RBFOX3: variants seen among roughly 807,000 people sequenced by gnomAD.
RBFOX3 encodes the protein RNA binding fox-1 homolog 3, also known as RNA binding protein fox-1 homolog 3.
In RBFOX3, 17 loss-of-function variants were observed where a neutral mutation model predicts 48.7. That is an observed-to-expected ratio of 0.35 (90% confidence interval 0.24 to 0.52). The LOEUF is 0.52. Among genes scored for constraint, RBFOX3 ranks in the 20% least tolerant of loss-of-function variants. The pLI is 0.94. For missense variants in RBFOX3, 382 were observed against 497.5 expected (o/e 0.77, Z 2.21); for synonymous variants, 212 against 209.5 (o/e 1.01, Z -0.10).
At chr17:79,169,034 C>T (rs903893568) in intron 4 of RBFOX3, among the ~76,000 whole-genome samples, 10 of 152,238 alleles carry the variant, frequency 6.6e-5, no homozygotes, top group Admixed American at 2.0e-4. Context: ...GCCACACTGC[C>T]GCTGAGTGGA....
intron 4 of RBFOX3, among the ~76,000 whole-genome samples, chr17:79,129,065 C>G (rs765454413): frequency 6.6e-6 from 1 of 152,120 alleles, no homozygotes; most frequent in Non-Finnish European, 1.5e-5. Context: ...GCTTCCATCA[C>G]TGAGTCCCCA....
intron 2 of RBFOX3, among the ~76,000 whole-genome samples, chr17:79,323,569 G>A (rs1307369438): frequency 6.6e-6 from 1 of 152,246 alleles, no homozygotes; most frequent in Non-Finnish European, 1.5e-5. Context: ...ACCAACAGAT[G>A]CAGAGTACTC....
intron 4 of RBFOX3, among the ~76,000 whole-genome samples, chr17:79,201,846 G>C (rs1053396245): frequency 6.6e-6 from 1 of 152,188 alleles, no homozygotes; most frequent in Non-Finnish European, 1.5e-5. Context: ...TTGACGAAGA[G>C]CCTGGGGCAG....
At chr17:79,191,800 C>T (rs1281797548) in intron 4 of RBFOX3, among the ~76,000 whole-genome samples, 2 of 152,194 alleles carry the variant, frequency 1.3e-5, no homozygotes, top group Non-Finnish European at 2.9e-5. Flanking sequence ...TCCACAATGA[C>T]AGAGGCCAGA....
At chr17:79,538,908 T>C (rs988485070) in intron 1 of RBFOX3, among the ~76,000 whole-genome samples, 1 of 151,998 alleles carries the variant, frequency 6.6e-6, no homozygotes, top group African/African-American at 2.4e-5. Context: ...AACCACCCCA[T>C]GGAAACACGG....
chr17:79,451,500 C>A (rs1555741668), intron 2 of RBFOX3, among the ~76,000 whole-genome samples: 1 of 152,242 alleles, frequency 6.6e-6, no homozygotes, highest in Non-Finnish European at 1.5e-5. Context: ...ACCTTGACTG[C>A]AGCTCAACTG....
At chr17:79,651,034 C>A in the RBFOX3 span, among the ~76,000 whole-genome samples, 1 of 152,238 alleles carries the variant, frequency 6.6e-6, no homozygotes, top group Non-Finnish European at 1.5e-5. Context: ...GCAGGGGATT[C>A]CAGGTGTGTG....
At chr17:79,154,366 C>T (rs1471007730) in intron 4 of RBFOX3, among the ~76,000 whole-genome samples, 6 of 152,218 alleles carry the variant, frequency 3.9e-5, no homozygotes, top group Non-Finnish European at 8.8e-5. Flanking sequence ...TCTCGGGGAC[C>T]CCGCAGACTG....
In RBFOX3 at chr17:79,390,768, C is replaced by T. The variant is rs552088431; in HGVS notation, c.-174-82944G>A. Among the ~76,000 whole-genome samples the T allele has an allele frequency of 2.0e-5, 3 of 152,194 alleles. No homozygotes were observed. The highest frequency in any genetic ancestry group is 2.9e-5 in the Non-Finnish European group (2 of 68,038). On this transcript the variant is annotated intron_variant, in intron 2 of 14. Transcript: ENST00000693108. The surrounding 1 kb of genome is among the most constrained non-coding windows in gnomAD (Gnocchi z 4.2). ...TGGCCCATTCAAAGTTTGCCAGAGG[C>T]GAGTTCAGGGTGGGGATCCTGGCAG...
chr17:79,379,927 C>T (rs117413105), intron 2 of RBFOX3, among the ~76,000 whole-genome samples: 1,934 of 152,286 alleles, frequency 0.013, 47 homozygotes, highest in East Asian at 0.068. Flanking sequence ...CTCCTCCTGC[C>T]GCGGCCTCTC....
chr17:79,329,892 G>A (rs1294422559), intron 2 of RBFOX3, among the ~76,000 whole-genome samples: 4 of 152,110 alleles, frequency 2.6e-5, no homozygotes, highest in African/African-American at 9.7e-5. Flanking sequence ...CTCCTTCTCA[G>A]ACCCTTCAGC....
At chr17:79,092,737 A>C in intron 14 of RBFOX3, 11 of 625,114 alleles carry the variant, frequency 1.8e-5, no homozygotes, top group Middle Eastern at 4.1e-4. Context: ...CAAAAAGAGA[A>C]ATAGCCAAGT....
At position 79,297,796 on chromosome 17, in the gene RBFOX3, C is replaced by A. The variant is rs139497673; in HGVS notation, c.-74+9928G>T. Among the ~76,000 whole-genome samples the A allele has an allele frequency of 3.8e-3, 584 of 152,332 alleles. 3 individuals are homozygous for A. The highest frequency in any genetic ancestry group is 0.012 in the African/African-American group (511 of 41,576). The stretch of plus-strand genomic sequence containing the variant: ...ACAGGAGCAGATGGGGTGACTGAGG[C>A]ACTGGGTGTTTCCCCACCTCACTCC... On this transcript the variant is annotated intron_variant, in intron 3 of 14. Transcript: ENST00000693108.
chr17:79,405,115 C>A (rs1009908434), intron 2 of RBFOX3, among the ~76,000 whole-genome samples: 1 of 152,200 alleles, frequency 6.6e-6, no homozygotes, highest in African/African-American at 2.4e-5. Context: ...CATCTTACAG[C>A]TGATTTTCCC....
At chr17:79,611,178 C>T (rs1599292085), upstream of RBFOX3, among the ~76,000 whole-genome samples, 115 of 10,014 alleles carry the variant, frequency 0.011, 1 homozygote, top group African/African-American at 0.042. Context: ...CTCTCTCCGC[C>T]CTCCTTCTCT....
intron 4 of RBFOX3, among the ~76,000 whole-genome samples, chr17:79,149,068 A>G (rs1233676183): frequency 6.6e-6 from 1 of 152,224 alleles, no homozygotes; most frequent in East Asian, 1.9e-4. Flanking sequence ...ACTGACGAAC[A>G]GCGCACTCTA....
intron 2 of RBFOX3, among the ~76,000 whole-genome samples, chr17:79,336,422 T>A (rs1042355634): frequency 1.4e-4 from 7 of 49,836 alleles, no homozygotes; most frequent in Admixed American, 8.9e-4. Flanking sequence ...ATAAATAAAA[T>A]AAATTGAAAA....
upstream of RBFOX3, among the ~76,000 whole-genome samples, chr17:79,611,169 T>TCTCTCGCTCTCGCTCTCGCTCTCG: frequency 3.9e-3 from 102 of 25,928 alleles, 16 homozygotes; most frequent in Admixed American, 0.015. Flanking sequence ...TCTCTCTCTC[T>TCTCTCGCTCTCGCTCTCGCTCTCG]CTCTCCGCCC....
At chr17:79,510,703 G>A (rs919490892) in intron 1 of RBFOX3, among the ~76,000 whole-genome samples, 25 of 152,298 alleles carry the variant, frequency 1.6e-4, no homozygotes, top group East Asian at 7.7e-4. Context: ...GCGCCCCTAC[G>A]AGCGGGTGAT....
Sources: allele counts gnomAD v4.1 joint callset (sites outside exome capture counted in the v4.1 genomes callset), GRCh38; gene constraint gnomAD v4.1.1; non-coding constraint Gnocchi (gnomAD v3.1); transcripts MANE v1.5; gene names NCBI Gene and HGNC (gene_info 2026-07-23, HGNC 2026-07-21).